The following CEP128 variants were observed in gnomAD, a reference collection of about 807,000 sequenced individuals.
CEP128 encodes centrosomal protein 128.
CEP128 carries 132 observed loss-of-function variants against 156.7 expected under a neutral mutation model. The observed-to-expected ratio is 0.84, with a 90% CI of 0.73 to 0.97. CEP128 has a LOEUF of 0.97. Ranked by LOEUF, CEP128 falls within the 50% of genes least tolerant of loss-of-function variation. CEP128 has a pLI of 0.00. For synonymous variants in CEP128, 469 were observed against 448.9 expected, an observed-to-expected ratio of 1.04 and a Z score of -0.57; for missense variants, 1,252 against 1,281.9, an observed-to-expected ratio of 0.98 and a Z score of 0.36.
At chr14:80,646,326 T>A (rs1410873722) in intron 19 of CEP128, among the ~76,000 whole-genome samples, 2 of 152,010 alleles carry the variant, frequency 1.3e-5, no homozygotes, top group Non-Finnish European at 2.9e-5. Flanking sequence ...TTAATTTTAT[T>A]ATGAATGCTC....
chr14:80,868,513 A>G (rs1001758577), intron 8 of CEP128, among the ~76,000 whole-genome samples: 1 of 152,172 alleles, frequency 6.6e-6, no homozygotes, highest in Admixed American at 6.5e-5. Context: ...TTTAAAAGAC[A>G]GAGAAAGCAG....
intron 4 of CEP128, among the ~76,000 whole-genome samples, chr14:80,914,046 C>T (rs969969890): frequency 6.6e-6 from 1 of 152,164 alleles, no homozygotes; most frequent in African/African-American, 2.4e-5. Flanking sequence ...GGGGTCTCTC[C>T]ATGGCCCAAG....
intron 19 of CEP128, among the ~76,000 whole-genome samples, chr14:80,689,691 T>C (rs978290743): frequency 2.0e-5 from 3 of 152,152 alleles, no homozygotes; most frequent in Non-Finnish European, 4.4e-5. Context: ...TGTATGTGTA[T>C]ACATATATAC....
chr14:80,800,803 CT>C (rs1253393816), intron 13 of CEP128, among the ~76,000 whole-genome samples: 1 of 152,140 alleles, frequency 6.6e-6, no homozygotes, highest in Non-Finnish European at 1.5e-5. Context: ...AGTATAAGTA[CT>C]GATTGGGGTG....
At chr14:80,689,462 CAA>C (rs895206621) in intron 19 of CEP128, among the ~76,000 whole-genome samples, 5 of 151,976 alleles carry the variant, frequency 3.3e-5, no homozygotes, top group Admixed American at 2.6e-4. Context: ...AAGCTGGAGA[CAA>C]AGAGAGCAAG....
intron 16 of CEP128, among the ~76,000 whole-genome samples, chr14:80,763,786 C>A (rs1049455293): frequency 6.6e-6 from 1 of 152,090 alleles, no homozygotes; most frequent in African/African-American, 2.4e-5. Context: ...TTTGAAGACA[C>A]AAATTCAATA....
chr14:80,732,924 G>A (rs145737051), intron 19 of CEP128, among the ~76,000 whole-genome samples: 2 of 147,776 alleles, frequency 1.4e-5, no homozygotes, highest in African/African-American at 5.1e-5. Context: ...GACAAAGGTG[G>A]TATAAAGGTT....
At chr14:80,657,974 A>G (rs757880220) in intron 19 of CEP128, among the ~76,000 whole-genome samples, 2 of 151,900 alleles carry the variant, frequency 1.3e-5, no homozygotes, top group Non-Finnish European at 2.9e-5. Flanking sequence ...TCAAGGCTCC[A>G]TTGAATATCT....
intron 13 of CEP128, among the ~76,000 whole-genome samples, chr14:80,810,347 A>AAAAAAAAAAAAAAAAAAAAT (rs1884451539): frequency 6.7e-6 from 1 of 148,966 alleles, no homozygotes; most frequent in Non-Finnish European, 1.5e-5. Context: ...AAAAAAAAAA[A>AAAAAAAAAAAAAAAAAAAAT]AGAATATACA....
At chr14:80,800,809 G>A (rs1318399066) in intron 13 of CEP128, among the ~76,000 whole-genome samples, 2 of 152,166 alleles carry the variant, frequency 1.3e-5, no homozygotes, top group East Asian at 3.8e-4. Flanking sequence ...AGTACTGATT[G>A]GGGTGCATAT....
At chr14:80,957,391 C>T (rs1420932295) in intron 2 of CEP128, among the ~76,000 whole-genome samples, 1 of 151,890 alleles carries the variant, frequency 6.6e-6, no homozygotes, top group Non-Finnish European at 1.5e-5. Context: ...AGGACACAAG[C>T]TTCTCTAACA....
At chr14:80,557,499 G>A (rs796383855) in intron 21 of CEP128, among the ~76,000 whole-genome samples, 5 of 152,256 alleles carry the variant, frequency 3.3e-5, no homozygotes, top group African/African-American at 1.2e-4. Flanking sequence ...TTACGTTTTT[G>A]TCCAGATTTT....
chr14:80,946,338 CTCATGATGCA>C (rs373383073), upstream of CEP128, among the ~76,000 whole-genome samples: 726 of 137,518 alleles, frequency 5.3e-3, 5 homozygotes, highest in Middle Eastern at 0.023. Context: ...ATGATGATGC[CTCATGATGCA>C]TCATGATGAT....
chr14:80,884,560 C>T (rs1166839123), intron 8 of CEP128, among the ~76,000 whole-genome samples: 3 of 152,134 alleles, frequency 2.0e-5, no homozygotes, highest in East Asian at 1.9e-4. Flanking sequence ...AAGGGACTGG[C>T]GAACTCCCTC....
At chr14:80,703,301 A>C (rs1897134516) in intron 19 of CEP128, among the ~76,000 whole-genome samples, 1 of 152,074 alleles carries the variant, frequency 6.6e-6, no homozygotes, top group African/African-American at 2.4e-5. Context: ...ATTGTCCATA[A>C]ATTCTATAGC....
chr14:80,836,677 T>C (rs1352949773), intron 11 of CEP128, among the ~76,000 whole-genome samples: 1 of 152,222 alleles, frequency 6.6e-6, no homozygotes, highest in Admixed American at 6.5e-5. Context: ...TTTGCTTTCA[T>C]GTGAACATGG....
At chr14:80,787,053 T>C (rs1221624449) in intron 14 of CEP128, among the ~76,000 whole-genome samples, 2 of 152,228 alleles carry the variant, frequency 1.3e-5, no homozygotes, top group African/African-American at 4.8e-5. Flanking sequence ...TAAGGGTAGA[T>C]GTATTATTTT....
chr14:80,692,583 CT>C (rs1163639159), intron 19 of CEP128, among the ~76,000 whole-genome samples: 2 of 152,190 alleles, frequency 1.3e-5, no homozygotes, highest in African/African-American at 4.8e-5. Context: ...ATTATATCTC[CT>C]TAGTCAGTGG....
intron 19 of CEP128, among the ~76,000 whole-genome samples, chr14:80,591,521 C>T (rs1407046413): frequency 6.6e-6 from 1 of 152,016 alleles, no homozygotes; most frequent in East Asian, 1.9e-4. Context: ...TCTTAGAGAC[C>T]TACAAAGAGA....
Sources: allele counts gnomAD v4.1 joint callset (sites outside exome capture counted in the v4.1 genomes callset), GRCh38; gene constraint gnomAD v4.1.1; transcripts MANE v1.5; gene names NCBI Gene and HGNC (gene_info 2026-07-23, HGNC 2026-07-21).